The following DLGAP2 variants were observed in gnomAD, a reference collection of about 807,000 sequenced individuals.
DLGAP2 encodes disks large-associated protein 2.
A neutral mutation model predicts 100.3 loss-of-function variants in DLGAP2; 26 were observed. The ratio of observed to expected loss-of-function variants is 0.26; its 90% CI spans 0.19 to 0.36. The LOEUF is 0.36. Among genes scored for constraint, DLGAP2 ranks in the 10% least tolerant of loss-of-function variants. DLGAP2 has a pLI of 1.00. For synonymous variants in DLGAP2, 886 were observed against 630.1 expected (o/e 1.41, Z -6.08); for missense variants, 1,858 against 1,453.2 (o/e 1.28, Z -4.53).
intron 2 of DLGAP2, among the ~76,000 whole-genome samples, chr8:933,180 C>T (rs558452945): frequency 7.9e-5 from 12 of 152,362 alleles, no homozygotes; most frequent in African/African-American, 1.9e-4. Context: ...CGGGTTGTGA[C>T]GGGAATTCAG....
At chr8:1,454,187 T>C (rs980689783) in intron 3 of DLGAP2, among the ~76,000 whole-genome samples, 9 of 152,292 alleles carry the variant, frequency 5.9e-5, no homozygotes, top group African/African-American at 2.2e-4. Flanking sequence ...TGTGTGTATG[T>C]CTGTGTGACA....
chr8:1,314,605 A>G (rs1800686381), intron 3 of DLGAP2, among the ~76,000 whole-genome samples: 1 of 152,164 alleles, frequency 6.6e-6, no homozygotes, highest in Non-Finnish European at 1.5e-5. Context: ...GGTGTGCATT[A>G]GATTGAGGGT....
At chr8:1,544,103 A>G (rs1025415133) in intron 4 of DLGAP2, among the ~76,000 whole-genome samples, 1 of 151,926 alleles carries the variant, frequency 6.6e-6, no homozygotes, top group African/African-American at 2.4e-5. Flanking sequence ...AGGGTTTGCC[A>G]TGTTGTCCAG....
intron 4 of DLGAP2, among the ~76,000 whole-genome samples, chr8:1,510,779 G>A (rs1422790941): frequency 1.3e-5 from 2 of 152,120 alleles, no homozygotes; most frequent in Non-Finnish European, 2.9e-5. Context: ...CTTCCCCAAG[G>A]AAACTAAAAT....
At chr8:1,278,919 G>C (rs761405467) in intron 3 of DLGAP2, among the ~76,000 whole-genome samples, 2 of 152,186 alleles carry the variant, frequency 1.3e-5, no homozygotes, top group Non-Finnish European at 2.9e-5. Flanking sequence ...ATGTCCTTCA[G>C]ATTGTTGAAC....
chr8:1,265,633 A>G (rs953456407), intron 3 of DLGAP2, among the ~76,000 whole-genome samples: 4 of 152,354 alleles, frequency 2.6e-5, no homozygotes, highest in Admixed American at 2.0e-4. Flanking sequence ...CCAGACAAGT[A>G]CAGACACTCC....
chr8:1,441,231 T>C (rs1231881291), intron 3 of DLGAP2, among the ~76,000 whole-genome samples: 1 of 152,224 alleles, frequency 6.6e-6, no homozygotes, highest in African/African-American at 2.4e-5. Flanking sequence ...TTTTCATAAA[T>C]TCTGGCAGAT....
chr8:1,433,585 TG>T (rs1212055031), intron 3 of DLGAP2, among the ~76,000 whole-genome samples: 1 of 152,048 alleles, frequency 6.6e-6, no homozygotes, highest in Non-Finnish European at 1.5e-5. Context: ...ATCAATAAGG[TG>T]CACAGTCGGA....
At chr8:802,397 A>C (rs6982343) in intron 1 of DLGAP2, among the ~76,000 whole-genome samples, 53,907 of 150,050 alleles carry the variant, frequency 0.36, 10,280 homozygotes, top group Admixed American at 0.51. Flanking sequence ...TTCCTGGTTG[A>C]AGTCAGTGCT....
At chr8:1,112,059 C>G (rs1453201754) in intron 2 of DLGAP2, among the ~76,000 whole-genome samples, 2 of 152,076 alleles carry the variant, frequency 1.3e-5, no homozygotes, top group Non-Finnish European at 2.9e-5. Context: ...TCCACAACCT[C>G]ACCAGCATCC....
chr8:1,153,564 T>C (rs1796732034), intron 2 of DLGAP2, among the ~76,000 whole-genome samples: 1 of 152,196 alleles, frequency 6.6e-6, no homozygotes, highest in African/African-American at 2.4e-5. Context: ...AACCTGTTTT[T>C]ATCCTCTTTT....
intron 3 of DLGAP2, among the ~76,000 whole-genome samples, chr8:1,332,295 C>T (rs1056294444): frequency 1.1e-4 from 17 of 151,924 alleles, no homozygotes; most frequent in Non-Finnish European, 1.8e-4. Flanking sequence ...CATATCTGCA[C>T]GTGTGTCAGT....
Position 1,446,440 on chromosome 8 carries a change from C to G in DLGAP2, c.107-54926C>G, listed in dbSNP as rs569128865. Among the ~76,000 whole-genome samples, 6 of 152,208 alleles carry G rather than the reference C, an allele frequency of 3.9e-5. 2 individuals carry two copies. In the South Asian group the frequency reaches 1.2e-3, roughly 32 times the overall value. On this transcript the variant is annotated intron_variant, in intron 3 of 14. Transcript: ENST00000637795. The stretch of plus-strand genomic sequence containing the variant: ...TATTTCTGAGGGCTCTGTTCTGTTC[C>G]ATTGATCTATAGCTCTGTTTTGGTA...
At chr8:1,647,488 C>CAAAAAAAAAAAAAAAAAAAAAAA (rs567451595) in intron 8 of DLGAP2, among the ~76,000 whole-genome samples, 1 of 44,982 alleles carries the variant, frequency 2.2e-5, no homozygotes, top group Non-Finnish European at 5.8e-5. Flanking sequence ...GACTCTGTCT[C>CAAAAAAAAAAAAAAAAAAAAAAA]AAAAAAAAAA....
intron 6 of DLGAP2, among the ~76,000 whole-genome samples, chr8:1,569,679 T>G (rs940911237): frequency 1.3e-5 from 2 of 152,238 alleles, no homozygotes; most frequent in African/African-American, 4.8e-5. Flanking sequence ...GATGCCTGTT[T>G]TATGGACAGA....
intron 2 of DLGAP2, among the ~76,000 whole-genome samples, chr8:1,169,589 G>T (rs1317292411): frequency 2.0e-5 from 3 of 152,090 alleles, no homozygotes; most frequent in African/African-American, 7.2e-5. Flanking sequence ...CCTTGAAAAG[G>T]TCCTTCACGT....
At chr8:1,441,930 T>C (rs768788732) in intron 3 of DLGAP2, among the ~76,000 whole-genome samples, 14 of 152,000 alleles carry the variant, frequency 9.2e-5, no homozygotes, top group Non-Finnish European at 2.1e-4. Context: ...TATGCGGCCA[T>C]GAAAAGGGAC....
At chr8:1,340,026 G>T (rs923262117) in intron 3 of DLGAP2, among the ~76,000 whole-genome samples, 2 of 152,148 alleles carry the variant, frequency 1.3e-5, no homozygotes, top group African/African-American at 4.8e-5. Context: ...CCATGGTACT[G>T]GGAGAACTGG....
At chr8:1,329,337 G>A (rs571175493) in intron 3 of DLGAP2, among the ~76,000 whole-genome samples, 8 of 152,306 alleles carry the variant, frequency 5.3e-5, no homozygotes, top group Admixed American at 5.2e-4. Context: ...GGCTGATTGA[G>A]ATTAAATGGC....
Sources: allele counts gnomAD v4.1 joint callset (sites outside exome capture counted in the v4.1 genomes callset), GRCh38; gene constraint gnomAD v4.1.1; transcripts MANE v1.5; gene names NCBI Gene and HGNC (gene_info 2026-07-23, HGNC 2026-07-21).